The following GAS6 variants were observed in gnomAD, a reference collection of about 807,000 sequenced individuals.
GAS6 encodes the protein growth arrest-specific protein 6.
In GAS6, 41 loss-of-function variants were observed where a neutral mutation model predicts 75.8. The ratio of observed to expected loss-of-function variants is 0.54; its 90% CI spans 0.42 to 0.70. The LOEUF is 0.70. Among genes scored for constraint, GAS6 ranks in the 30% least tolerant of loss-of-function variants. GAS6 has a pLI of 0.00. For synonymous variants in GAS6, 432 were observed against 412.6 expected (o/e 1.05, Z -0.57); for missense variants, 854 against 940.2 (o/e 0.91, Z 1.20).
intron 12 of GAS6, among the ~76,000 whole-genome samples, chr13:113,825,502 A>G (rs1325634633): frequency 2.6e-5 from 4 of 152,182 alleles, no homozygotes; most frequent in African/African-American, 9.6e-5. Context: ...TTTGAGATTC[A>G]CTGGAAATGC....
intron 6 of GAS6, among the ~76,000 whole-genome samples, chr13:113,836,939 G>A (rs1207112363): frequency 2.0e-5 from 3 of 150,148 alleles, no homozygotes; most frequent in Non-Finnish European, 1.5e-5. Flanking sequence ...AGATGGGGAG[G>A]AGGAGGAGAG....
chr13:113,833,399 TCCCA>T (rs1362235372), intron 8 of GAS6: 1 of 991,984 alleles, frequency 1.0e-6, no homozygotes, highest in Non-Finnish European at 1.2e-6. Flanking sequence ...CACGGCTGCA[TCCCA>T]GGTCTGCGAC....
At chr13:113,824,806 C>T (rs1477309816) in intron 12 of GAS6, among the ~76,000 whole-genome samples, 1 of 152,168 alleles carries the variant, frequency 6.6e-6, no homozygotes, top group Non-Finnish European at 1.5e-5. Context: ...CACCGAAACA[C>T]ACAAAATCAG....
rs996769562 is a variant in GAS6 at position 113,833,170 on chromosome 13, G to C, written c.835-418C>G. Reference sequence around the variant, plus strand: ...TGTGGTTTCTCCACGCTGCCCGAAGGGGGACAGAACCAAAGCCGGTGTGAG... The same window carrying C: ...TGTGGTTTCTCCACGCTGCCCGAAGCGGGACAGAACCAAAGCCGGTGTGAG... On this transcript the variant is annotated intron_variant, in intron 8 of 14. Transcript: ENST00000327773. The C allele has an allele frequency of 4.8e-5, 55 of 1,140,864 alleles. No homozygotes were observed. In the Admixed American group the frequency reaches 9.1e-4, roughly 19 times the overall value. The allele number at this position is 1,140,864 out of a possible 1,614,324, so 70.7% of individuals were successfully genotyped here. A position where few individuals can be genotyped will look rare whatever the true frequency, so the allele number is the denominator to read the frequency against.
chr13:113,828,391 G>A (rs958971862), intron 11 of GAS6, among the ~76,000 whole-genome samples, 156 bp downstream of exon 11: 3 of 152,138 alleles, frequency 2.0e-5, no homozygotes, highest in African/African-American at 7.2e-5. Context: ...GCTGTACGGC[G>A]ACTTTGTCAA....
chr13:113,822,066 C>G lies in GAS6; in HGVS notation c.1774G>C (p.Gly592Arg). 6.3e-7 allele frequency: 1 copy of G among 1,590,180 alleles called. No individual in the cohort carries two copies. The highest frequency in any genetic ancestry group is 8.5e-7 in the Non-Finnish European group (1 of 1,170,374). ...CTCACCTCGCTCTGGCCCCTGGTGC[C>G]GTCCACCTCCAGGGTGGCCTCACCG... ...RDGEATLEVDGTRGQSEVSAA... is the reference protein window; with the variant it reads ...RDGEATLEVDRTRGQSEVSAA... Residue 592 changes from glycine (G) to arginine (R), a missense_variant, in exon 14 of 15, where the codon GGC becomes CGC. By Grantham distance (125) the Gly-to-Arg change is moderately radical (BLOSUM62 -2). Coordinates refer to ENST00000327773, the MANE Select transcript of GAS6 (RefSeq NM_000820.4).
intron 4 of GAS6, chr13:113,841,547 C>CCA (rs1449983969): frequency 9.9e-6 from 1 of 101,166 alleles, no homozygotes; most frequent in Non-Finnish European, 2.3e-5. Flanking sequence ...TCCATACGCC[C>CCA]CGGTTTCCTC....
In GAS6 at chr13:113,857,688, A is replaced by AT. The variant is rs879457546; in HGVS notation, c.255+5886dup. Among the ~76,000 whole-genome samples the AT allele has an allele frequency of 1.7e-4, 26 of 152,376 alleles. 2 individuals carry two copies. The Middle Eastern group carries it at 0.01, about 60-fold the overall frequency. On this transcript the variant is annotated intron_variant, in intron 2 of 14. Coordinates refer to ENST00000327773, the MANE Select transcript of GAS6 (RefSeq NM_000820.4). ...TACTCAGAATCTCAAGAAAGAAGCC[A>AT]TAAGCACTTGCTTCCTAAAAGAGTG...
rs1410376853 is a variant in GAS6 at position 113,848,141 on chromosome 13, T to C, written c.256-91A>G. The C allele has an allele frequency of 7.0e-7, 1 of 1,430,768 alleles. No homozygotes were observed. The highest frequency in any genetic ancestry group is 2.1e-5 in the Admixed American group (1 of 48,630). 88.6% of individuals were successfully genotyped at this position (1,430,768 alleles called of 1,614,324 possible). Reference sequence around the variant, plus strand: ...AAGCATCAGCTGGTTAATCAGAGGCTGCTCTCGGGGCAGCCAGAGGGCCGC... The same window carrying C: ...AAGCATCAGCTGGTTAATCAGAGGCCGCTCTCGGGGCAGCCAGAGGGCCGC... On this transcript the variant is annotated intron_variant, in intron 2 of 14. Transcript: ENST00000327773. The surrounding 1 kb of genome is among the most constrained non-coding windows in gnomAD (Gnocchi z 4.8).
At position 113,848,143 on chromosome 13, in the gene GAS6, CT is replaced by C; in HGVS notation, c.256-94del. Reference sequence around the variant, plus strand: ...GCATCAGCTGGTTAATCAGAGGCTGCTCTCGGGGCAGCCAGAGGGCCGCCCC... The same window carrying C: ...GCATCAGCTGGTTAATCAGAGGCTGCCTCGGGGCAGCCAGAGGGCCGCCCC... On this transcript the variant is annotated intron_variant, in intron 2 of 14. Coordinates refer to ENST00000327773, the MANE Select transcript of GAS6 (RefSeq NM_000820.4). This position sits in a 1 kb window ranked among gnomAD's most constrained non-coding sequence, Gnocchi z 4.8. The C allele has an allele frequency of 2.1e-6, 3 of 1,414,648 alleles. No homozygotes were observed. Among genetic ancestry groups the C allele is most frequent in the Non-Finnish European group, 2.9e-6 (3 of 1,022,746 alleles). 87.6% of individuals were successfully genotyped at this position (1,414,648 alleles called of 1,614,324 possible). A position where few individuals can be genotyped will look rare whatever the true frequency, so the allele number is the denominator to read the frequency against.
chr13:113,824,075 GGGTCT>G (rs2051498695), intron 12 of GAS6, among the ~76,000 whole-genome samples: 2 of 147,772 alleles, frequency 1.4e-5, no homozygotes, highest in African/African-American at 5.2e-5. Context: ...GCGCGGTCTG[GGGTCT>G]GAGCTGTCAG....
At chr13:113,854,757 G>A (rs1170850325) in intron 2 of GAS6, among the ~76,000 whole-genome samples, 2 of 152,260 alleles carry the variant, frequency 1.3e-5, no homozygotes, top group Non-Finnish European at 2.9e-5. Context: ...CGGGCCCTGA[G>A]AGAAGCCAGT....
Position 113,838,122 on chromosome 13 carries a change from T to C in GAS6, c.536A>G (p.His179Arg), listed in dbSNP as rs200722542. 1.3e-5 allele frequency: 21 copies of C among 1,612,824 alleles called. No homozygotes were observed. The highest frequency in any genetic ancestry group is 1.7e-5 in the Non-Finnish European group (20 of 1,179,886). Residue 179 changes from histidine (H) to arginine (R), a missense_variant, in exon 6 of 15, where the codon CAC (histidine) becomes CGC (arginine). Transcript: ENST00000327773. ...CTCGAAGCCGCTGTGGCAGGAACAG[T>C]GGAAGCTACCCGGCTTGTTGTGGCA... ...QICHNKPGSF[H>R]CSCHSGFELS...
chr13:113,858,276 TTATG>T (rs764946547), intron 2 of GAS6, among the ~76,000 whole-genome samples: 1 of 152,330 alleles, frequency 6.6e-6, no homozygotes, highest in African/African-American at 2.4e-5. Flanking sequence ...ATGTGTCTAT[TTATG>T]TGACTGTGTG....
rs760722540 is a variant in GAS6, at chr13:113,845,683, A to C, written c.343+844T>G. ...AAAACAGGCAAAAAATATAAACAAC[A>C]GTTTATAGGAAAAGAAATACACAGT... On this transcript the variant is annotated intron_variant, in intron 4 of 14. Transcript: ENST00000327773. The surrounding 1 kb of genome is among the most constrained non-coding windows in gnomAD (Gnocchi z 4.3). The C allele has an allele frequency of 9.9e-5, 15 of 151,818 alleles. 1 individual carries two copies. The highest frequency in any genetic ancestry group is 1.9e-4 in the Non-Finnish European group (13 of 67,988). 9.4% of individuals were successfully genotyped at this position (151,818 alleles called of 1,614,324 possible).
chr13:113,837,058 G>A lies in GAS6; in HGVS notation c.589+1011C>T, dbSNP rs1326801137. Among the ~76,000 whole-genome samples the A allele has an allele frequency of 6.6e-6, 1 of 151,848 alleles. No homozygotes were observed. Among genetic ancestry groups the A allele is most frequent in the Non-Finnish European group, 1.5e-5 (1 of 67,930 alleles). On this transcript the variant is annotated intron_variant, in intron 6 of 14. Coordinates refer to ENST00000327773, the MANE Select transcript of GAS6 (RefSeq NM_000820.4). The surrounding 1 kb of genome is among the most constrained non-coding windows in gnomAD (Gnocchi z 5.1). ...GAGATGCTTTAGACGTCATCTCTCAGGATCGGCCTAGTCTTCACCTCTCTT... is the reference window on the plus strand; with the variant it reads ...GAGATGCTTTAGACGTCATCTCTCAAGATCGGCCTAGTCTTCACCTCTCTT...
At position 113,820,694 on chromosome 13, in the gene GAS6, G is replaced by A. The variant is rs992078570; in HGVS notation, c.*170C>T. ...CGCGCCCGGGCCCACGGCTGAGTGCGCGGCGTCAGAGGCCCCAAGTCCATC... is the reference window on the plus strand; with the variant it reads ...CGCGCCCGGGCCCACGGCTGAGTGCACGGCGTCAGAGGCCCCAAGTCCATC... On this transcript the variant is annotated 3_prime_UTR_variant, in exon 15 of 15. Coordinates refer to ENST00000327773, the MANE Select transcript of GAS6 (RefSeq NM_000820.4). 2.5e-5 allele frequency: 19 copies of A among 770,480 alleles called. No individual in the cohort carries two copies. The highest frequency in any genetic ancestry group is 3.9e-4 in the Middle Eastern group (1 of 2,572). The allele number at this position is 770,480 out of a possible 1,614,324, so 47.7% of individuals were successfully genotyped here.
At chr13:113,858,866 T>C (rs1222587004) in intron 2 of GAS6, among the ~76,000 whole-genome samples, 1 of 123,534 alleles carries the variant, frequency 8.1e-6, no homozygotes, top group Non-Finnish European at 1.7e-5. Flanking sequence ...ATTATGCATG[T>C]GTGTACATGA....
chr13:113,839,526 C>T, intron 5 of GAS6: 1 of 626,978 alleles, frequency 1.6e-6, no homozygotes. Flanking sequence ...GTTTCCTTTC[C>T]TTCCAGCCCT....
Sources: allele counts gnomAD v4.1 joint callset (sites outside exome capture counted in the v4.1 genomes callset), GRCh38; gene constraint gnomAD v4.1.1; non-coding constraint Gnocchi (gnomAD v3.1); transcripts MANE v1.5; gene names NCBI Gene and HGNC (gene_info 2026-07-23, HGNC 2026-07-21).